The following OSGEPL1 variants were observed in gnomAD, a reference collection of about 807,000 sequenced individuals.
OSGEPL1 encodes the protein O-sialoglycoprotein endopeptidase like 1, also known as tRNA N6-adenosine threonylcarbamoyltransferase, mitochondrial.
OSGEPL1 carries 26 observed loss-of-function variants against 37.2 expected under a neutral mutation model. That is an observed-to-expected ratio of 0.70 (90% CI 0.51 to 0.97). The LOEUF (loss-of-function observed/expected upper bound fraction) is 0.97. OSGEPL1 is among the 50% of genes least tolerant of loss of function. OSGEPL1 has a pLI of 0.00. For synonymous variants in OSGEPL1, 140 were observed against 159.9 expected (o/e 0.88, Z 0.94); for missense variants, 404 against 487.0 (o/e 0.83, Z 1.60).
intron 7 of OSGEPL1, among the ~76,000 whole-genome samples, chr2:189,751,493 G>A (rs1453833920): frequency 1.4e-5 from 2 of 143,718 alleles, no homozygotes; most frequent in Non-Finnish European, 3.0e-5. Flanking sequence ...CACCCGGGCT[G>A]GAGTGCAGTG....
chr2:189,759,487 T>A (rs911119568), intron 2 of OSGEPL1, among the ~76,000 whole-genome samples: 1 of 152,162 alleles, frequency 6.6e-6, no homozygotes, highest in African/African-American at 2.4e-5. Context: ...CCTGACCTCA[T>A]GGTCCACTTG....
At position 189,752,654 on chromosome 2, in the gene OSGEPL1, T is replaced by C. The variant is rs1200673079; in HGVS notation, c.1165A>G (p.Lys389Glu). The change falls in exon 7 of 9, where the codon AAA (lysine) becomes GAA (glutamate). Residue 389 changes from lysine to glutamate, a missense_variant and splice_region_variant. Lys to Glu is a moderately conservative substitution (Grantham distance 56). Transcript: ENST00000264151. Reference protein sequence around the residue: ...HDIEGIRYEPKCPLGVDISKE... With the variant: ...HDIEGIRYEPECPLGVDISKE... The stretch of plus-strand genomic sequence containing the variant: ...AAGATCATGAATGATACCACATACT[T>C]TGGTTCATAGCGGATGCCTTCTATG... 2 of 1,613,654 alleles carry C rather than the reference T, an allele frequency of 1.2e-6. No individual in the cohort carries two copies. Among genetic ancestry groups the C allele is most frequent in the Admixed American group, 3.3e-5 (2 of 60,012 alleles).
At chr2:189,761,376 C>T in intron 2 of OSGEPL1, 44 bp downstream of exon 2, 1 of 1,553,458 alleles carries the variant, frequency 6.4e-7, no homozygotes, top group Non-Finnish European at 8.6e-7. Context: ...AATGATTTTA[C>T]TTTTTCCAAA....
Position 189,755,346 on chromosome 2 carries a change from G to A in OSGEPL1, c.436C>T (p.His146Tyr), listed in dbSNP as rs1381237381. Reference sequence around the variant, plus strand: ...GTAAGTGCATGAGCCTCCATATGATGAATGGGAATGAATGGCTTTTTTAAC... The same window carrying A: ...GTAAGTGCATGAGCCTCCATATGATAAATGGGAATGAATGGCTTTTTTAAC... The part of the protein sequence containing the change: ...GQLKKPFIPI[H>Y]HMEAHALTIR... The change falls in exon 3 of 9, where the codon CAT (histidine) becomes TAT (tyrosine). Residue 146 changes from histidine to tyrosine, a missense_variant. Transcript: ENST00000264151. 1 of 1,613,446 alleles carries A rather than the reference G, an allele frequency of 6.2e-7. No individual in the cohort carries two copies. The highest frequency in any genetic ancestry group is 1.6e-4 in the Middle Eastern group (1 of 6,062).
intron 2 of OSGEPL1, among the ~76,000 whole-genome samples, chr2:189,757,786 T>C (rs894376858): frequency 6.6e-6 from 1 of 152,214 alleles, no homozygotes; most frequent in Non-Finnish European, 1.5e-5. Context: ...GCTATAGGTA[T>C]TCAAAAAATG....
rs189776040 is a variant in OSGEPL1, at chr2:189,753,963, G to C, written c.916C>G (p.Leu306Val). 95 of 1,613,744 alleles carry C rather than the reference G, an allele frequency of 5.9e-5. No homozygotes were observed. In the African/African-American group the frequency reaches 1.1e-3, roughly 19 times the overall value. ...AACAAGTCTCTCTGCTTACAAAACA[G>C]AATAGCCCGATGTGTTCTTTTCACA... ...HLVKRTHRAI[L>V]FCKQRDLLPQ... The change falls in exon 5 of 9, where the codon CTG becomes GTG. Residue 306 changes from leucine to valine, a missense_variant. Transcript: ENST00000264151.
intron 8 of OSGEPL1, 137 bp downstream of exon 8, chr2:189,750,413 A>T: frequency 2.1e-6 from 1 of 487,414 alleles, no homozygotes; most frequent in Non-Finnish European, 3.6e-6. Context: ...CTTTTAACAC[A>T]TTATAGTATC....
chr2:189,762,338 G>C (rs1310608304), intron 1 of OSGEPL1, among the ~76,000 whole-genome samples: 1 of 152,096 alleles, frequency 6.6e-6, no homozygotes, highest in Non-Finnish European at 1.5e-5. Context: ...CAGATCATCC[G>C]TTCTAAAACT....
In OSGEPL1 at chr2:189,746,692, G is replaced by T. The variant is rs2044210365; in HGVS notation, c.*505C>A. 7.0e-7 allele frequency: 1 copy of T among 1,423,030 alleles called. No individual in the cohort carries two copies. The highest frequency in any genetic ancestry group is 1.5e-5 in the African/African-American group (1 of 68,614). 88.2% of individuals were successfully genotyped at this position (1,423,030 alleles called of 1,614,324 possible). A position where few individuals can be genotyped will look rare whatever the true frequency, so the allele number is the denominator to read the frequency against. On this transcript the variant is annotated 3_prime_UTR_variant, in exon 9 of 9. Coordinates refer to ENST00000264151, the MANE Select transcript of OSGEPL1 (RefSeq NM_022353.3). ...TAAAAATTTTTTTATTTTTAATAATGGTAATATGCAAATAACATAACTGAA... is the reference window on the plus strand; with the variant it reads ...TAAAAATTTTTTTATTTTTAATAATTGTAATATGCAAATAACATAACTGAA...
At chr2:189,757,969 T>G (rs1412498747) in intron 2 of OSGEPL1, among the ~76,000 whole-genome samples, 1 of 152,246 alleles carries the variant, frequency 6.6e-6, no homozygotes, top group African/African-American at 2.4e-5. Context: ...AAATCTCATG[T>G]AGAATGGTAA....
chr2:189,762,543 A>G lies in OSGEPL1; in HGVS notation c.-21+142T>C, dbSNP rs973675773. ...GTACGAAGCACTACCCTTTCGGGCC[A>G]AGAAAGCTGCAGGCTGAACCCACGT... On this transcript the variant is annotated intron_variant, in intron 1 of 8. Transcript: ENST00000264151. 1.3e-5 allele frequency: 13 copies of G among 965,132 alleles called. No individual in the cohort carries two copies. The African/African-American group carries it at 1.9e-4, about 14-fold the overall frequency. The allele number at this position is 965,132 out of a possible 1,614,324, so 59.8% of individuals were successfully genotyped here. A position where few individuals can be genotyped will look rare whatever the true frequency, so the allele number is the denominator to read the frequency against.
At chr2:189,753,814 A>C in intron 5 of OSGEPL1, 102 bp downstream of exon 5, 1 of 1,219,388 alleles carries the variant, frequency 8.2e-7, no homozygotes, top group Non-Finnish European at 1.1e-6. Context: ...GGCTAGCATA[A>C]GGCATAAAGA....
At chr2:189,751,432 C>T (rs1429681841) in intron 7 of OSGEPL1, among the ~76,000 whole-genome samples, 3 of 149,530 alleles carry the variant, frequency 2.0e-5, no homozygotes, top group African/African-American at 5.0e-5. Context: ...GAATATAATG[C>T]TGACAAGTTG....
rs2044211027 is a variant in OSGEPL1 at position 189,746,706 on chromosome 2, A to C, written c.*491T>G. 1.5e-6 allele frequency: 2 copies of C among 1,352,276 alleles called. No homozygotes were observed. Among genetic ancestry groups the C allele is most frequent in the Non-Finnish European group, 2.0e-6 (2 of 1,016,470 alleles). The allele number at this position is 1,352,276 out of a possible 1,614,324, so 83.8% of individuals were successfully genotyped here. A position where few individuals can be genotyped will look rare whatever the true frequency, so the allele number is the denominator to read the frequency against. On this transcript the variant is annotated 3_prime_UTR_variant, in exon 9 of 9. Transcript: ENST00000264151. ...TTTTTAATAATGGTAATATGCAAAT[A>C]ACATAACTGAATAATCTTTTTGAAT... is the stretch of plus-strand genomic sequence containing the variant.
intron 7 of OSGEPL1, among the ~76,000 whole-genome samples, 154 bp downstream of exon 7, chr2:189,752,499 G>A (rs893925312): frequency 3.9e-5 from 6 of 152,068 alleles, no homozygotes; most frequent in African/African-American, 1.2e-4. Context: ...TTTCTCATAT[G>A]GTATCAACCT....
At chr2:189,753,033 T>A (rs879788425) in intron 5 of OSGEPL1, 54 bp from the exon 6 acceptor site, 123 of 1,483,238 alleles carry the variant, frequency 8.3e-5, no homozygotes, top group Non-Finnish European at 1.1e-4. Context: ...TGAACCAAGC[T>A]GCTAATTAAA....
intron 8 of OSGEPL1, among the ~76,000 whole-genome samples, chr2:189,747,821 G>A (rs1050372431): frequency 4.6e-5 from 7 of 152,220 alleles, no homozygotes; most frequent in African/African-American, 1.7e-4. Context: ...GAGTAGCTGC[G>A]GTTACAGGCG....
chr2:189,750,247 T>C (rs1360534242), intron 8 of OSGEPL1, among the ~76,000 whole-genome samples: 1 of 152,190 alleles, frequency 6.6e-6, no homozygotes, highest in African/African-American at 2.4e-5. Context: ...GGGAAAGTCC[T>C]AGGCCTGTAT....
In OSGEPL1 at chr2:189,761,500, A is replaced by G. The variant is rs370860929; in HGVS notation, c.141T>C (p.Asp47=). The change falls in exon 2 of 9, where the codon GAT becomes GAC. Residue 47 remains aspartate, a synonymous_variant. Coordinates refer to ENST00000264151, the MANE Select transcript of OSGEPL1 (RefSeq NM_022353.3). ...CATCCACCACAGCAGCTGCTGTATC[A>G]TCACAACTAGTTTCAATTCCCAATA... ...KIVLGIETSC[D]DTAAAVVDET... The G allele has an allele frequency of 5.6e-6, 9 of 1,612,962 alleles. No individual in the cohort carries two copies. Among genetic ancestry groups the G allele is most frequent in the Non-Finnish European group, 7.6e-6 (9 of 1,179,342 alleles).
Sources: gnomAD v4.1 joint callset for allele counts (sites outside exome capture counted in the v4.1 genomes callset) on GRCh38, gnomAD v4.1.1 for gene constraint, MANE v1.5 for transcripts, NCBI Gene and HGNC (gene_info 2026-07-23, HGNC 2026-07-21) for gene names.